The following MGAT5B variants were observed in gnomAD, a reference collection of about 807,000 sequenced individuals.
The protein encoded by MGAT5B is N-acetylglucosaminyl-transferase Vb.
A neutral mutation model predicts 95.1 loss-of-function variants in MGAT5B; 54 were observed. That is an observed-to-expected ratio of 0.57 (90% CI 0.46 to 0.71). The LOEUF is 0.71. Ranked by LOEUF, MGAT5B falls within the 30% of genes least tolerant of loss-of-function variation. MGAT5B has a pLI of 0.00. For synonymous variants in MGAT5B, 464 were observed against 451.0 expected (o/e 1.03, Z -0.36); for missense variants, 935 against 1,088.6 (o/e 0.86, Z 1.99).
rs1598876902 is a variant in MGAT5B at position 76,869,230 on chromosome 17, T to G, written c.68+133T>G. 7.0e-5 allele frequency: 47 copies of G among 674,974 alleles called. No homozygotes were observed. The highest frequency in any genetic ancestry group is 1.2e-4 in the South Asian group (7 of 60,636). The allele number at this position is 674,974 out of a possible 1,614,324, so 41.8% of individuals were successfully genotyped here. On this transcript the variant is annotated intron_variant, in intron 1 of 17. Coordinates refer to ENST00000569840, the MANE Select transcript of MGAT5B (RefSeq NM_001199172.2). The surrounding 1 kb of genome is among the most constrained non-coding windows in gnomAD (Gnocchi z 7.0). ...CACTTCAACCCCTGGTGATGACCAG[T>G]GGGGCTGGGCTGGGGGAACGGATGG...
rs1026901785 is a variant in MGAT5B at position 76,915,493 on chromosome 17, G to A, written c.1025+9306G>A. Among the ~76,000 whole-genome samples the A allele has an allele frequency of 1.3e-5, 2 of 152,198 alleles. No homozygotes were observed. The highest frequency in any genetic ancestry group is 2.9e-5 in the Non-Finnish European group (2 of 68,034). On this transcript the variant is annotated intron_variant, in intron 8 of 17. Coordinates refer to ENST00000569840, the MANE Select transcript of MGAT5B (RefSeq NM_001199172.2). This position sits in a 1 kb window ranked among gnomAD's most constrained non-coding sequence, Gnocchi z 8.7. ...AAAACAACCCTCGGGCTCTACCAGG[G>A]TTTGTAATATGCTATCCCTCGAAAC...
At chr17:76,896,015 C>A (rs370717174) in intron 3 of MGAT5B, among the ~76,000 whole-genome samples, 7 of 152,042 alleles carry the variant, frequency 4.6e-5, no homozygotes, top group East Asian at 3.9e-4. Context: ...CTGCCTACCC[C>A]ACGGTGACAA....
At chr17:76,924,908 T>C in intron 8 of MGAT5B, 58 bp from the exon 9 acceptor site, 1 of 1,601,204 alleles carries the variant, frequency 6.2e-7, no homozygotes. Flanking sequence ...GGAACTGGGG[T>C]GGCCGGTTGG....
chr17:76,936,548 T>A (rs1969679905), intron 12 of MGAT5B, among the ~76,000 whole-genome samples: 1 of 152,254 alleles, frequency 6.6e-6, no homozygotes, highest in African/African-American at 2.4e-5. Context: ...AAGATTTCTT[T>A]CCTGTTTTTT....
At chr17:76,926,139 G>A (rs1323866522) in intron 9 of MGAT5B, among the ~76,000 whole-genome samples, 2 of 152,278 alleles carry the variant, frequency 1.3e-5, no homozygotes, top group East Asian at 3.9e-4. Flanking sequence ...CTGGGACCCT[G>A]CCTTTTGCAT....
chr17:76,928,435 G>A (rs1426647200), intron 10 of MGAT5B, among the ~76,000 whole-genome samples: 1 of 152,006 alleles, frequency 6.6e-6, no homozygotes, highest in Admixed American at 6.6e-5. Flanking sequence ...AGCCAGGCGC[G>A]GTGGCTCACA....
chr17:76,933,000 G>T (rs992491018), intron 11 of MGAT5B, among the ~76,000 whole-genome samples: 1 of 152,250 alleles, frequency 6.6e-6, no homozygotes, highest in African/African-American at 2.4e-5. Context: ...CGTAATAAAT[G>T]ATTCCTTAAT....
At chr17:76,897,240 TA>T (rs1968093990) in intron 3 of MGAT5B, among the ~76,000 whole-genome samples, 1 of 152,130 alleles carries the variant, frequency 6.6e-6, no homozygotes, top group South Asian at 2.1e-4. Flanking sequence ...TGCGGTGGAT[TA>T]AAAACCATTT....
At chr17:76,933,319 T>C (rs1178315297) in intron 12 of MGAT5B, 22 bp downstream of exon 12, 2 of 1,598,290 alleles carry the variant, frequency 1.3e-6, no homozygotes, top group Middle Eastern at 1.7e-4. Context: ...GCTTGCCGCC[T>C]GCCCCCTCTA....
intron 3 of MGAT5B, among the ~76,000 whole-genome samples, chr17:76,892,707 C>T (rs1351793437): frequency 1.3e-5 from 2 of 152,370 alleles, no homozygotes; most frequent in East Asian, 1.9e-4. Flanking sequence ...GTGTTCCTCT[C>T]CCAGTGAAGC....
At position 76,916,138 on chromosome 17, in the gene MGAT5B, C is replaced by G. The variant is rs1190451757; in HGVS notation, c.1026-8828C>G. On this transcript the variant is annotated intron_variant, in intron 8 of 17. Coordinates refer to ENST00000569840, the MANE Select transcript of MGAT5B (RefSeq NM_001199172.2). This position sits in a 1 kb window ranked among gnomAD's most constrained non-coding sequence, Gnocchi z 5.3. ...TCCTCGGGATCCAGGAGAGACCCTT[C>G]CTTGCAAGGCCTCGTCTCCCCTTAT... Among the ~76,000 whole-genome samples the G allele has an allele frequency of 6.6e-6, 1 of 150,406 alleles. No homozygotes were observed. Among genetic ancestry groups the G allele is most frequent in the East Asian group, 1.9e-4 (1 of 5,180 alleles).
At chr17:76,939,778 G>C (rs1025885127) in intron 13 of MGAT5B, among the ~76,000 whole-genome samples, 1 of 152,112 alleles carries the variant, frequency 6.6e-6, no homozygotes, top group African/African-American at 2.4e-5. Context: ...GCGGTATTTG[G>C]TTTCTGTTCC....
intron 8 of MGAT5B, chr17:76,923,886 C>T (rs1217353687): frequency 6.6e-6 from 1 of 152,208 alleles, no homozygotes; most frequent in African/African-American, 2.4e-5. Flanking sequence ...CGGGCGTCCT[C>T]CTCTGGTGGA....
At position 76,949,270 on chromosome 17, in the gene MGAT5B, G is replaced by A. The variant is rs1970131947; in HGVS notation, c.*432G>A. On this transcript the variant is annotated 3_prime_UTR_variant, in exon 18 of 18. Coordinates refer to ENST00000569840, the MANE Select transcript of MGAT5B (RefSeq NM_001199172.2). ...GGGACCAGGCTGCCCCACGGTCCCT[G>A]AAGGGTCCAAGGAGGGGCCCTCCCC... is the stretch of plus-strand genomic sequence containing the variant. 1 of 191,424 alleles carries A rather than the reference G, an allele frequency of 5.2e-6. No homozygotes were observed. 11.9% of individuals were successfully genotyped at this position (191,424 alleles called of 1,614,324 possible).
Position 76,902,188 on chromosome 17 carries a change from A to G in MGAT5B, c.330-367A>G, listed in dbSNP as rs1221842993. The stretch of plus-strand genomic sequence containing the variant: ...CGTGCAGTTGTGGCCACATGAAGAC[A>G]TGTTCTCTGACTGCTCAGGGAAGGT... On this transcript the variant is annotated intron_variant, in intron 3 of 17. Transcript: ENST00000569840. Among the ~76,000 whole-genome samples the G allele has an allele frequency of 6.6e-5, 10 of 152,140 alleles. No individual in the cohort carries two copies. In the East Asian group the frequency reaches 1.9e-3, roughly 29 times the overall value.
At chr17:76,898,751 A>AGTG (rs1968193280) in intron 3 of MGAT5B, among the ~76,000 whole-genome samples, 1 of 152,162 alleles carries the variant, frequency 6.6e-6, no homozygotes, top group South Asian at 2.1e-4. Context: ...TAAGTTCTTT[A>AGTG]GTGGTGATCT....
intron 3 of MGAT5B, among the ~76,000 whole-genome samples, chr17:76,897,024 T>C (rs1968086063): frequency 6.6e-6 from 1 of 151,976 alleles, no homozygotes; most frequent in South Asian, 2.1e-4. Context: ...GCGCAAACGA[T>C]CCTCCTGCCT....
rs775375041 is a variant in MGAT5B at position 76,889,028 on chromosome 17, G to A, written c.329+6730G>A. ...GGGGTGGGCGGTGATCAGAGGCCTC[G>A]CTTGGCATTCTTTTACTTTCCGAGT... On this transcript the variant is annotated intron_variant, in intron 3 of 17. Coordinates refer to ENST00000569840, the MANE Select transcript of MGAT5B (RefSeq NM_001199172.2). This position sits in a 1 kb window ranked among gnomAD's most constrained non-coding sequence, Gnocchi z 4.4. 1.3e-5 allele frequency among the ~76,000 whole-genome samples: 2 copies of A among 152,158 alleles called. No homozygotes were observed. The highest frequency in any genetic ancestry group is 2.9e-5 in the Non-Finnish European group (2 of 68,020).
At chr17:76,947,623 C>T (rs1336206714) in intron 16 of MGAT5B, among the ~76,000 whole-genome samples, 1 of 152,200 alleles carries the variant, frequency 6.6e-6, no homozygotes, top group Non-Finnish European at 1.5e-5. Flanking sequence ...ATGCCGTGAC[C>T]TCTGAGCCTC....
Sources: allele counts gnomAD v4.1 joint callset (sites outside exome capture counted in the v4.1 genomes callset), GRCh38; gene constraint gnomAD v4.1.1; non-coding constraint Gnocchi (gnomAD v3.1); transcripts MANE v1.5; gene names NCBI Gene and HGNC (gene_info 2026-07-23, HGNC 2026-07-21).